GNA13: variants seen among roughly 807,000 people sequenced by gnomAD.
The protein encoded by GNA13 is G protein subunit alpha 13, also known as guanine nucleotide-binding protein subunit alpha-13.
Under a neutral mutation model 33.5 loss-of-function variants are expected in GNA13, and 4 were observed. The observed-to-expected ratio is 0.12, with a 90% CI of 0.06 to 0.27. The LOEUF is 0.27. GNA13 is among the 10% of genes least tolerant of loss of function. The probability of loss-of-function intolerance (pLI) is 1.00; values close to 1 mark genes in which losing one functional copy is unlikely to be tolerated. For missense variants in GNA13, 319 were observed against 487.2 expected (o/e 0.65, Z 3.25); for synonymous variants, 176 against 183.8 (o/e 0.96, Z 0.34).
chr17:65,032,233 G>A (rs937767754), intron 2 of GNA13, among the ~76,000 whole-genome samples: 10 of 152,136 alleles, frequency 6.6e-5, no homozygotes, highest in East Asian at 3.8e-4. Flanking sequence ...GATTCAACCC[G>A]AGGATATGGC....
intron 2 of GNA13, among the ~76,000 whole-genome samples, chr17:65,045,121 T>C (rs950646027): frequency 3.3e-5 from 5 of 151,472 alleles, no homozygotes; most frequent in Admixed American, 2.6e-4. Flanking sequence ...ATCTGACCAA[T>C]TACATAGAAG....
intron 2 of GNA13, among the ~76,000 whole-genome samples, chr17:65,022,904 G>C (rs543596559): frequency 1.3e-5 from 2 of 152,312 alleles, no homozygotes; most frequent in East Asian, 3.9e-4. Context: ...GAGGACACTC[G>C]GAACAACCAT....
chr17:65,024,024 C>T lies in GNA13; in HGVS notation c.511-5721G>A, dbSNP rs886817556. 3.9e-5 allele frequency among the ~76,000 whole-genome samples: 6 copies of T among 152,082 alleles called. 1 individual carries two copies. The highest frequency in any genetic ancestry group is 3.9e-4 in the East Asian group (2 of 5,184). Reference sequence around the variant, plus strand: ...CCAGCACTTTGGGAGGACGCCAAAGCGGGAGGATTGCTTGAGCCCAGGAGT... The same window carrying T: ...CCAGCACTTTGGGAGGACGCCAAAGTGGGAGGATTGCTTGAGCCCAGGAGT... On this transcript the variant is annotated intron_variant, in intron 2 of 3. Coordinates refer to ENST00000439174, the MANE Select transcript of GNA13 (RefSeq NM_006572.6).
chr17:65,036,184 C>T (rs188019997), intron 2 of GNA13, among the ~76,000 whole-genome samples: 3 of 152,318 alleles, frequency 2.0e-5, no homozygotes, highest in African/African-American at 7.2e-5. Context: ...GCACTAAATA[C>T]TTTCCCATCC....
intron 2 of GNA13, among the ~76,000 whole-genome samples, chr17:65,042,916 T>C (rs1468857023): frequency 1.3e-5 from 2 of 152,188 alleles, no homozygotes; most frequent in African/African-American, 4.8e-5. Context: ...TGCTTTATTT[T>C]TCTATGCAGC....
intron 2 of GNA13, among the ~76,000 whole-genome samples, chr17:65,024,779 G>C (rs1031490148): frequency 6.6e-6 from 1 of 152,162 alleles, no homozygotes; most frequent in African/African-American, 2.4e-5. Context: ...ACTAGATTTC[G>C]TATTAATTTC....
chr17:65,046,298 T>C (rs1023921748), intron 2 of GNA13, among the ~76,000 whole-genome samples: 4 of 152,160 alleles, frequency 2.6e-5, no homozygotes, highest in Non-Finnish European at 5.9e-5. Context: ...ATTTTATTTT[T>C]ATTTATTTTT....
At chr17:65,025,701 AGGTTCAGT>A (rs1297295234) in intron 2 of GNA13, among the ~76,000 whole-genome samples, 2 of 151,916 alleles carry the variant, frequency 1.3e-5, no homozygotes, top group Non-Finnish European at 2.9e-5. Flanking sequence ...CTCCCTGGCC[AGGTTCAGT>A]GGCTCAATGC....
rs906213797 is a variant in GNA13, at chr17:65,011,845, T to C, written c.*2412A>G. ...ACTAAATTTCATCTCTCTCTTCATA[T>C]AGTGGTATTTCAAAAGGATTCAGTT... On this transcript the variant is annotated 3_prime_UTR_variant, in exon 4 of 4. Transcript: ENST00000439174. 21 of 227,814 alleles carry C rather than the reference T, an allele frequency of 9.2e-5. No homozygotes were observed. Among genetic ancestry groups the C allele is most frequent in the African/African-American group, 4.6e-4 (21 of 45,190 alleles). The allele number at this position is 227,814 out of a possible 1,614,324, so 14.1% of individuals were successfully genotyped here. A position where few individuals can be genotyped will look rare whatever the true frequency, so the allele number is the denominator to read the frequency against.
intron 2 of GNA13, among the ~76,000 whole-genome samples, chr17:65,052,401 G>A (rs1032616329): frequency 2.0e-5 from 3 of 152,304 alleles, no homozygotes; most frequent in South Asian, 2.1e-4. Context: ...TGATCCACCC[G>A]CCTCAGACTC....
intron 2 of GNA13, among the ~76,000 whole-genome samples, chr17:65,031,537 A>G (rs1369535861): frequency 6.6e-6 from 1 of 152,214 alleles, no homozygotes; most frequent in Admixed American, 6.5e-5. Context: ...GAAAACTGGA[A>G]ATCTAAGTTT....
intron 2 of GNA13, among the ~76,000 whole-genome samples, chr17:65,042,445 G>GT (rs1192739440): frequency 3.3e-5 from 5 of 151,606 alleles, no homozygotes; most frequent in Admixed American, 3.3e-4. Context: ...AAGAACGAAT[G>GT]TAACACGGTG....
At chr17:65,055,764 G>T in intron 1 of GNA13, 3 of 985,452 alleles carry the variant, frequency 3.0e-6, no homozygotes, top group Non-Finnish European at 3.6e-6. Flanking sequence ...CGGGCAAAAA[G>T]TTCCCTTATT....
intron 2 of GNA13, among the ~76,000 whole-genome samples, chr17:65,051,702 A>C (rs1469353712): frequency 6.6e-6 from 1 of 152,232 alleles, no homozygotes; most frequent in Non-Finnish European, 1.5e-5. Flanking sequence ...CCAAAAATAA[A>C]GTAATAAACA....
At chr17:65,039,291 C>T (rs1907373365) in intron 2 of GNA13, among the ~76,000 whole-genome samples, 1 of 152,222 alleles carries the variant, frequency 6.6e-6, no homozygotes, top group Non-Finnish European at 1.5e-5. Context: ...AGTCTCCAAA[C>T]TCTGGAACTG....
At chr17:65,047,190 C>T (rs939535523) in intron 2 of GNA13, among the ~76,000 whole-genome samples, 2 of 152,214 alleles carry the variant, frequency 1.3e-5, no homozygotes, top group Admixed American at 1.3e-4. Context: ...GACATCTGAT[C>T]AATTTCATCA....
chr17:65,031,559 A>G (rs1907011795), intron 2 of GNA13, among the ~76,000 whole-genome samples: 1 of 152,240 alleles, frequency 6.6e-6, no homozygotes, highest in Non-Finnish European at 1.5e-5. Flanking sequence ...TTCATACTTA[A>G]TCACAACTGT....
chr17:65,023,803 A>G (rs1906674929), intron 2 of GNA13, among the ~76,000 whole-genome samples: 1 of 152,240 alleles, frequency 6.6e-6, no homozygotes, highest in Non-Finnish European at 1.5e-5. Flanking sequence ...GGAAATTTCC[A>G]TATTTCAAAA....
At chr17:65,031,921 A>AGAGAGAGTGTGTGTGTGT (rs770161529) in intron 2 of GNA13, among the ~76,000 whole-genome samples, 8 of 91,700 alleles carry the variant, frequency 8.7e-5, no homozygotes, top group East Asian at 2.4e-4. Context: ...AGAGAGAGAG[A>AGAGAGAGTGTGTGTGTGT]GTGTGTGTGT....
Sources: allele counts gnomAD v4.1 joint callset (sites outside exome capture counted in the v4.1 genomes callset), GRCh38; gene constraint gnomAD v4.1.1; transcripts MANE v1.5; gene names NCBI Gene and HGNC (gene_info 2026-07-23, HGNC 2026-07-21).